CCDC88A: variants seen among roughly 807,000 people sequenced by gnomAD.
CCDC88A encodes girdin.
A neutral mutation model predicts 234.3 loss-of-function variants in CCDC88A; 54 were observed. The ratio of observed to expected loss-of-function variants is 0.23; its 90% CI spans 0.19 to 0.29. CCDC88A has a LOEUF of 0.29. Among genes scored for constraint, CCDC88A ranks in the 10% least tolerant of loss-of-function variants. The pLI is 1.00. For missense variants in CCDC88A, 1,832 were observed against 2,123.4 expected, an observed-to-expected ratio of 0.86 and a Z score of 2.70; for synonymous variants, 753 against 737.8, an observed-to-expected ratio of 1.02 and a Z score of -0.33.
At chr2:55,398,172 G>T (rs541752210) in intron 2 of CCDC88A, among the ~76,000 whole-genome samples, 2 of 152,194 alleles carry the variant, frequency 1.3e-5, no homozygotes, top group African/African-American at 2.4e-5. Context: ...AAATAAGTAC[G>T]TGGGCTGTGA....
At chr2:55,341,267 C>T (rs1267106802) in intron 12 of CCDC88A, among the ~76,000 whole-genome samples, 2 of 149,044 alleles carry the variant, frequency 1.3e-5, no homozygotes, top group Non-Finnish European at 3.0e-5. Flanking sequence ...TGCTTCAGCT[C>T]CCAAGCAGCT....
At chr2:55,370,338 T>C (rs1266297590) in intron 5 of CCDC88A, among the ~76,000 whole-genome samples, 1 of 151,964 alleles carries the variant, frequency 6.6e-6, no homozygotes, top group Non-Finnish European at 1.5e-5. Flanking sequence ...AAACCTATTC[T>C]CTCTTCATAT....
intron 8 of CCDC88A, among the ~76,000 whole-genome samples, chr2:55,351,979 G>A (rs750956051): frequency 1.1e-4 from 17 of 152,152 alleles, no homozygotes; most frequent in East Asian, 1.9e-4. Flanking sequence ...CAAAAGGCAC[G>A]TATTGTATGA....
At chr2:55,321,193 C>CGT (rs1558663265) in intron 18 of CCDC88A, 1 of 151,518 alleles carries the variant, frequency 6.6e-6, no homozygotes, top group Non-Finnish European at 1.5e-5. Context: ...CACACACACA[C>CGT]GTATATATCC....
intron 22 of CCDC88A, chr2:55,315,363 C>T (rs1310761154): frequency 6.6e-6 from 1 of 152,224 alleles, no homozygotes; most frequent in Admixed American, 6.5e-5. Context: ...AACCACAGTT[C>T]CTTCCCAGGG....
At chr2:55,351,066 T>C (rs575628170) in intron 8 of CCDC88A, among the ~76,000 whole-genome samples, 1 of 152,358 alleles carries the variant, frequency 6.6e-6, no homozygotes, top group South Asian at 2.1e-4. Context: ...ATAAGCTCAT[T>C]ACTATACATA....
At position 55,363,962 on chromosome 2, in the gene CCDC88A, T is replaced by C. The variant is rs754418410; in HGVS notation, c.474A>G (p.Ala158=). ...LDFDTKAAVA[A]HIQEVTHNQE... ...TATATGTCATTACCTCTTGAATATG[T>C]GCGGCAACCGCTGCTTTTGTATCAA... Residue 158 remains alanine, a synonymous_variant, in exon 6 of 33, where the codon GCA becomes GCG. Coordinates refer to ENST00000436346, the MANE Select transcript of CCDC88A (RefSeq NM_001365480.1). The C allele has an allele frequency of 1.9e-6, 3 of 1,592,006 alleles. No homozygotes were observed. Among genetic ancestry groups the C allele is most frequent in the Middle Eastern group, 1.7e-4 (1 of 6,008 alleles).
At chr2:55,414,153 G>A (rs1680965752) in intron 2 of CCDC88A, among the ~76,000 whole-genome samples, 2 of 151,992 alleles carry the variant, frequency 1.3e-5, no homozygotes, top group South Asian at 4.1e-4. Context: ...ATATTGTTCT[G>A]ATACTATTAA....
intron 3 of CCDC88A, among the ~76,000 whole-genome samples, chr2:55,378,365 C>T (rs1231611306): frequency 6.6e-6 from 1 of 152,198 alleles, no homozygotes; most frequent in East Asian, 1.9e-4. Flanking sequence ...TAAATTCAAA[C>T]TTACCTCCAT....
rs550618684 is a variant in CCDC88A, at chr2:55,300,871, T to C, written c.4744+335A>G. The stretch of plus-strand genomic sequence containing the variant: ...AGATATTTTTAATATTTTAAACTAA[T>C]ATGTATTTTAAATTGGCATTTTAAA... On this transcript the variant is annotated intron_variant, in intron 28 of 32. Coordinates refer to ENST00000436346, the MANE Select transcript of CCDC88A (RefSeq NM_001365480.1). The C allele has an allele frequency of 3.5e-5, 7 of 198,956 alleles. No individual in the cohort carries two copies. In the East Asian group the frequency reaches 9.9e-4, roughly 28 times the overall value. 12.3% of individuals were successfully genotyped at this position (198,956 alleles called of 1,614,324 possible).
chr2:55,391,403 T>G (rs1676621360), intron 2 of CCDC88A, among the ~76,000 whole-genome samples: 1 of 151,806 alleles, frequency 6.6e-6, no homozygotes, highest in Admixed American at 6.6e-5. Context: ...AAAAAATTAA[T>G]AGACACAAAA....
intron 2 of CCDC88A, chr2:55,404,716 G>T (rs534026675): frequency 2.0e-5 from 3 of 152,202 alleles, no homozygotes; most frequent in African/African-American, 7.2e-5. Context: ...CTGTTTTGGG[G>T]ACCTCCAATT....
intron 13 of CCDC88A, chr2:55,337,143 G>A (rs779482145): frequency 1.2e-5 from 2 of 170,934 alleles, no homozygotes; most frequent in Middle Eastern, 2.7e-3. Flanking sequence ...TGGCTTGAGT[G>A]GATTTGTAAA....
At chr2:55,297,296 T>TTATATATAATTATATATAAATATATAATA (rs2104555003) in intron 29 of CCDC88A, 1 of 76,550 alleles carries the variant, frequency 1.3e-5, no homozygotes, top group South Asian at 3.2e-4. Flanking sequence ...TATATATAAT[T>TTATATATAATTATATATAAATATATAATA]TATATATAAT....
At chr2:55,406,360 T>C (rs915515156) in intron 2 of CCDC88A, among the ~76,000 whole-genome samples, 1 of 152,184 alleles carries the variant, frequency 6.6e-6, no homozygotes, top group African/African-American at 2.4e-5. Flanking sequence ...TTCACCCTTT[T>C]AAACCAGTCT....
Position 55,295,717 on chromosome 2 carries a change from T to C in CCDC88A, c.5431A>G (p.Thr1811Ala). The C allele has an allele frequency of 1.2e-6, 2 of 1,614,194 alleles. No homozygotes were observed. The highest frequency in any genetic ancestry group is 1.1e-5 in the South Asian group (1 of 91,074). The part of the protein sequence containing the change: ...TLPRASSVIS[T>A]AEGTTRRTSI... ...GTCCTTCGTGTAGTTCCTTCGGCAGTTGAGATCACGCTGCTTGCACGAGGT... is the reference window on the plus strand; with the variant it reads ...GTCCTTCGTGTAGTTCCTTCGGCAGCTGAGATCACGCTGCTTGCACGAGGT... The change falls in exon 31 of 33, where the codon ACT (threonine) becomes GCT (alanine). Residue 1811 changes from threonine (T) to alanine (A), a missense_variant. Coordinates refer to ENST00000436346, the MANE Select transcript of CCDC88A (RefSeq NM_001365480.1).
intron 13 of CCDC88A, chr2:55,338,957 CTT>C (rs1194431380): frequency 9.2e-5 from 13 of 141,972 alleles, no homozygotes; most frequent in Non-Finnish European, 1.4e-4. Context: ...CCTGCTTATT[CTT>C]TTTTTTTTTT....
In CCDC88A at chr2:55,291,047, C is replaced by T. The variant is rs974555790; in HGVS notation, c.*153G>A. On this transcript the variant is annotated 3_prime_UTR_variant, in exon 33 of 33. Coordinates refer to ENST00000436346, the MANE Select transcript of CCDC88A (RefSeq NM_001365480.1). ...TTGTATTTCTTGCCTGCTCTATTCA[C>T]GAAGGACTGTTAAAAGTCTCCTTAA... 3 of 152,426 alleles carry T rather than the reference C, an allele frequency of 2.0e-5. No homozygotes were observed. The highest frequency in any genetic ancestry group is 6.6e-5 in the Admixed American group (1 of 15,264). The allele number at this position is 152,426 out of a possible 1,614,324, so 9.4% of individuals were successfully genotyped here.
At chr2:55,339,248 C>G (rs189432315) in intron 13 of CCDC88A, 1 of 463,774 alleles carries the variant, frequency 2.2e-6, no homozygotes, top group Admixed American at 4.2e-5. Flanking sequence ...CGTGAGCCCC[C>G]GCACCTGGCC....
Sources: allele counts gnomAD v4.1 joint callset (sites outside exome capture counted in the v4.1 genomes callset), GRCh38; gene constraint gnomAD v4.1.1; transcripts MANE v1.5; gene names NCBI Gene and HGNC (gene_info 2026-07-23, HGNC 2026-07-21).